The following NEB variants were observed in gnomAD, a reference collection of about 807,000 sequenced individuals.
The protein encoded by NEB is nemaline myopathy type 2.
NEB carries 512 observed loss-of-function variants against 952.2 expected under a neutral mutation model. That is an observed-to-expected ratio of 0.54 (90% confidence interval 0.50 to 0.58). NEB has a LOEUF of 0.58. Among genes scored for constraint, NEB ranks in the 20% least tolerant of loss-of-function variants. The pLI, the probability that NEB is intolerant of heterozygous loss-of-function variation, is 0.00. For synonymous variants in NEB, 2,900 were observed against 3,149.8 expected (o/e 0.92, Z 2.66); for missense variants, 8,428 against 9,231.1 (o/e 0.91, Z 3.56).
chr2:151,509,056 C>T (rs1028901508), intron 161 of NEB, among the ~76,000 whole-genome samples: 1 of 152,124 alleles, frequency 6.6e-6, no homozygotes, highest in African/African-American at 2.4e-5. Flanking sequence ...ATGAGACTAG[C>T]CACTGTTATA....
Position 151,561,023 on chromosome 2 carries a change from A to G in NEB, c.19187T>C (p.Leu6396Pro), listed in dbSNP as rs2096008111. 1 of 1,606,244 alleles carries G rather than the reference A, an allele frequency of 6.2e-7. No individual in the cohort carries two copies. The highest frequency in any genetic ancestry group is 8.5e-7 in the Non-Finnish European group (1 of 1,174,286). ...ACTCACACTGCTGTAAAGATTCTTC[A>G]GGTTTCTGGTTCTGTCATAATCCAC... The part of the protein sequence containing the change: ...ETVDYDRTRN[L>P]KNLYSSNLYK... Residue 6396 changes from leucine (L) to proline (P), a missense_variant, in exon 123 of 182, where the codon CTG (leucine) becomes CCG (proline). Physicochemically the swap from Leu to Pro is moderately conservative, Grantham distance 98. Coordinates refer to ENST00000397345, the MANE Select transcript of NEB (RefSeq NM_001164508.2).
chr2:151,705,465 C>T (rs1007245480), intron 13 of NEB, among the ~76,000 whole-genome samples: 2 of 152,118 alleles, frequency 1.3e-5, no homozygotes, highest in Admixed American at 6.5e-5. Flanking sequence ...ACTGCTTTTA[C>T]ACTATGGGTG....
intron 9 of NEB, among the ~76,000 whole-genome samples, chr2:151,719,211 C>A (rs923448783): frequency 6.6e-6 from 1 of 152,188 alleles, no homozygotes; most frequent in Non-Finnish European, 1.5e-5. Flanking sequence ...CCTTGGGAAC[C>A]CTTGTGGCCT....
At chr2:151,683,078 G>C (rs2099437632) in intron 28 of NEB, among the ~76,000 whole-genome samples, 1 of 152,136 alleles carries the variant, frequency 6.6e-6, no homozygotes. Flanking sequence ...GAAATTGTCA[G>C]TTAACCAAAT....
intron 138 of NEB, 134 bp downstream of exon 138, chr2:151,540,209 CT>C (rs2093852166): frequency 1.3e-5 from 6 of 450,304 alleles, no homozygotes; most frequent in Non-Finnish European, 2.2e-5. Flanking sequence ...TTTTTTTTCT[CT>C]TTAAAAAAAT....
At chr2:151,719,739 T>A (rs1386620167) in intron 9 of NEB, among the ~76,000 whole-genome samples, 1 of 151,672 alleles carries the variant, frequency 6.6e-6, no homozygotes, top group Admixed American at 6.6e-5. Context: ...ATTAGCCGGG[T>A]GTGGTGGTGT....
rs1489496024 is a variant in NEB at position 151,563,710 on chromosome 2, T to C, written c.18589A>G (p.Lys6197Glu). 2 of 1,613,576 alleles carry C rather than the reference T, an allele frequency of 1.2e-6. No individual in the cohort carries two copies. Among genetic ancestry groups the C allele is most frequent in the Admixed American group, 1.7e-5 (1 of 60,022 alleles). The stretch of plus-strand genomic sequence containing the variant: ...CCTTTCTGCTTCTCATATGTCTCTT[T>C]GTATTTAAGCTGTAAAGTGGGTTAA... ...ADLVNSELKY[K>E]ETYEKQKGHY... is the part of the protein sequence containing the mutation. The change falls in exon 119 of 182, where the codon AAA (lysine) becomes GAA (glutamate). Residue 6197 changes from lysine to glutamate, a missense_variant. Coordinates refer to ENST00000397345, the MANE Select transcript of NEB (RefSeq NM_001164508.2).
chr2:151,622,322 C>A (rs935641693), intron 71 of NEB, among the ~76,000 whole-genome samples: 2 of 152,196 alleles, frequency 1.3e-5, no homozygotes, highest in Admixed American at 1.3e-4. Flanking sequence ...TACTTTCAGA[C>A]ATGCATCATA....
chr2:151,644,389 T>G lies in NEB; in HGVS notation c.7644+79A>C, dbSNP rs1574953541. The G allele has an allele frequency of 2.2e-6, 3 of 1,372,544 alleles. No homozygotes were observed. The East Asian group carries it at 6.9e-5, about 32-fold the overall frequency. The allele number at this position is 1,372,544 out of a possible 1,614,324, so 85.0% of individuals were successfully genotyped here. ...TAATTTGTTACCCCTTAGATTTTGT[T>G]CAATTTAAAATTAAATTGAGACTGC... is the stretch of plus-strand genomic sequence containing the variant. On this transcript the variant is annotated intron_variant, in intron 56 of 181. Transcript: ENST00000397345.
chr2:151,646,338 A>G, intron 54 of NEB, 104 bp from the exon 55 acceptor site: 1 of 852,228 alleles, frequency 1.2e-6, no homozygotes, highest in South Asian at 1.5e-5. Flanking sequence ...AACATTATAC[A>G]GAATTGATAT....
chr2:151,505,150 A>T (rs2067816592), intron 165 of NEB, among the ~76,000 whole-genome samples: 1 of 152,202 alleles, frequency 6.6e-6, no homozygotes, highest in African/African-American at 2.4e-5. Flanking sequence ...ATTACTTGAG[A>T]TCATCCCAAT....
intron 30 of NEB, 100 bp from the exon 31 acceptor site, chr2:151,680,122 G>A (rs1264308282): frequency 9.1e-6 from 8 of 878,938 alleles, no homozygotes; most frequent in Non-Finnish European, 1.5e-5. Context: ...CACAGAGGTG[G>A]TTTTAGGAAG....
intron 127 of NEB, 87 bp downstream of exon 127, chr2:151,553,311 C>T: frequency 1.8e-6 from 2 of 1,109,426 alleles, no homozygotes; most frequent in Non-Finnish European, 2.7e-6. Context: ...TGGCCTGTGA[C>T]AATGTCCCTA....
chr2:151,578,406 CCCCAGCACTTTGGGAGG>C, intron 105 of NEB, among the ~76,000 whole-genome samples: 1 of 151,230 alleles, frequency 6.6e-6, no homozygotes. Context: ...TAAGAAACTG[CCCCAGCACTTTGGGAGG>C]CCAAGGCAGG....
At chr2:151,518,198 C>A in intron 156 of NEB, 120 bp downstream of exon 156, 2 of 766,614 alleles carry the variant, frequency 2.6e-6, no homozygotes, top group Non-Finnish European at 2.3e-6. Flanking sequence ...TTACCAGATT[C>A]AAAACCCCTT....
chr2:151,659,368 C>A (rs930231844), intron 46 of NEB, among the ~76,000 whole-genome samples, 199 bp from the exon 47 acceptor site: 1 of 152,146 alleles, frequency 6.6e-6, no homozygotes, highest in Non-Finnish European at 1.5e-5. Context: ...GCAATTATGG[C>A]TCACTGCAAC....
intron 150 of NEB, among the ~76,000 whole-genome samples, chr2:151,525,561 C>G (rs552465899): frequency 6.6e-6 from 1 of 152,246 alleles, no homozygotes; most frequent in East Asian, 1.9e-4. Flanking sequence ...TCATATAATA[C>G]CAAGGTTACT....
intron 160 of NEB, 73 bp downstream of exon 160, chr2:151,513,507 A>C: frequency 1.9e-6 from 2 of 1,076,368 alleles, no homozygotes; most frequent in Non-Finnish European, 2.7e-6. Flanking sequence ...AAATCAGATG[A>C]CAGAGGGACA....
At chr2:151,489,636 A>T (rs1048037882) in intron 181 of NEB, among the ~76,000 whole-genome samples, 1 of 152,282 alleles carries the variant, frequency 6.6e-6, no homozygotes, top group African/African-American at 2.4e-5. Context: ...AGCTCAAGCA[A>T]TCCTCCTGCA....
Sources: allele counts gnomAD v4.1 joint callset (sites outside exome capture counted in the v4.1 genomes callset), GRCh38; gene constraint gnomAD v4.1.1; transcripts MANE v1.5; gene names NCBI Gene and HGNC (gene_info 2026-07-23, HGNC 2026-07-21).